The following TMEM74 variants were observed in gnomAD, a reference collection of about 807,000 sequenced individuals.
TMEM74 encodes the protein transmembrane protein 74.
TMEM74 carries 13 observed loss-of-function variants against 18.1 expected under a neutral mutation model. That is an observed-to-expected ratio of 0.72 (90% CI 0.47 to 1.14). TMEM74 has a LOEUF of 1.14. Ranked by LOEUF, TMEM74 falls within the 50% of genes most tolerant of loss-of-function variation. The pLI is 0.00. For missense variants in TMEM74, 372 were observed against 375.9 expected, an observed-to-expected ratio of 0.99 and a Z score of 0.09; for synonymous variants, 159 against 146.6, an observed-to-expected ratio of 1.08 and a Z score of -0.61.
chr8:108,787,281 G>C (rs1316063881), intron 1 of TMEM74, among the ~76,000 whole-genome samples, 195 bp downstream of exon 1: 2 of 152,198 alleles, frequency 1.3e-5, no homozygotes, highest in East Asian at 1.9e-4. Flanking sequence ...GGTGCCCCCA[G>C]CAGGCGCCGA....
At chr8:108,657,904 T>TATATA (rs1563742387) in intron 1 of TMEM74, among the ~76,000 whole-genome samples, 7 of 109,842 alleles carry the variant, frequency 6.4e-5, no homozygotes, top group Admixed American at 1.0e-4. Context: ...ATATATATAT[T>TATATA]AATTACATAT....
rs1813160731 is a variant in TMEM74 at position 108,685,699 on chromosome 8, A to G, written n.120-30262T>C. Among the ~76,000 whole-genome samples, 3 of 152,300 alleles carry G rather than the reference A, an allele frequency of 2.0e-5. No individual in the cohort carries two copies. The South Asian group carries it at 6.2e-4, about 32-fold the overall frequency. On this transcript the variant is annotated intron_variant and non_coding_transcript_variant, in intron 1 of 3. Transcript: ENST00000518838. ...AAAGAAAAATAAGTTAGAAATATAGACCAAGAAACTAACACTTTTACTATT... is the reference window on the plus strand; with the variant it reads ...AAAGAAAAATAAGTTAGAAATATAGGCCAAGAAACTAACACTTTTACTATT...
chr8:108,773,590 A>G (rs548894644), intron 1 of TMEM74, among the ~76,000 whole-genome samples: 1 of 152,200 alleles, frequency 6.6e-6, no homozygotes, highest in East Asian at 1.9e-4. Context: ...GGTGGAAGTG[A>G]CAGTGTTTGA....
chr8:108,716,268 TAA>T (rs1347943439), intron 1 of TMEM74, among the ~76,000 whole-genome samples: 1 of 152,072 alleles, frequency 6.6e-6, no homozygotes, highest in African/African-American at 2.4e-5. Flanking sequence ...TTCCATGATG[TAA>T]AAAGTTACAT....
chr8:108,709,819 C>T (rs192870095), intron 1 of TMEM74, among the ~76,000 whole-genome samples: 1,652 of 152,206 alleles, frequency 0.011, 16 homozygotes, highest in Middle Eastern at 0.027. Flanking sequence ...TTTGGATTGT[C>T]CAAACTCTTC....
intron 1 of TMEM74, among the ~76,000 whole-genome samples, chr8:108,721,477 C>T (rs963644515): frequency 6.6e-5 from 10 of 152,324 alleles, no homozygotes; most frequent in Admixed American, 5.2e-4. Context: ...TTTGCTGTTC[C>T]ATCGATGTGG....
chr8:108,680,186 T>A (rs548194076), intron 1 of TMEM74, among the ~76,000 whole-genome samples: 1 of 152,286 alleles, frequency 6.6e-6, no homozygotes, highest in African/African-American at 2.4e-5. Context: ...ATCATCCTGA[T>A]ACCAAAGCCT....
intron 2 of TMEM74, among the ~76,000 whole-genome samples, chr8:108,631,431 A>G (rs545848430): frequency 6.6e-6 from 1 of 152,158 alleles, no homozygotes; most frequent in South Asian, 2.1e-4. Context: ...TTTTTGAAGC[A>G]TGGTTAGAAT....
At chr8:108,725,082 G>C (rs1391888183) in intron 1 of TMEM74, among the ~76,000 whole-genome samples, 1 of 152,070 alleles carries the variant, frequency 6.6e-6, no homozygotes, top group Non-Finnish European at 1.5e-5. Context: ...ACCATGTTTA[G>C]GCCCACTTCG....
Position 108,721,732 on chromosome 8 carries a change from A to G in TMEM74, n.119+65744T>C, listed in dbSNP as rs577282760. On this transcript the variant is annotated intron_variant and non_coding_transcript_variant, in intron 1 of 3. Transcript: ENST00000518838. ...AAAGACTTTTTATGAAAGCAAATTT[A>G]TCTTGTTCACCGCTGTATCCCAGTA... Among the ~76,000 whole-genome samples the G allele has an allele frequency of 7.9e-5, 12 of 152,354 alleles. 1 individual carries two copies. Among genetic ancestry groups the G allele is most frequent in the Admixed American group, 2.6e-4 (4 of 15,312 alleles).
rs114581614 is a variant in TMEM74 at position 108,702,449 on chromosome 8, G to T, written n.120-47012C>A. Among the ~76,000 whole-genome samples the T allele has an allele frequency of 4.4e-3, 672 of 151,762 alleles. 2 individuals are homozygous for T. The highest frequency in any genetic ancestry group is 0.016 in the African/African-American group (642 of 41,396). ...AAGGAAAAAAAAATGCAGCAGCAAAGGTAGCCAATGGTTCTGGAGAGCTGG... is the reference window on the plus strand; with the variant it reads ...AAGGAAAAAAAAATGCAGCAGCAAATGTAGCCAATGGTTCTGGAGAGCTGG... On this transcript the variant is annotated intron_variant and non_coding_transcript_variant, in intron 1 of 3. Coordinates refer to the TMEM74 transcript ENST00000518838.
At chr8:108,711,511 C>A (rs1813475501) in intron 1 of TMEM74, among the ~76,000 whole-genome samples, 1 of 152,124 alleles carries the variant, frequency 6.6e-6, no homozygotes, top group Non-Finnish European at 1.5e-5. Context: ...TGAGAGCAAG[C>A]ATTGTTTGTG....
At chr8:108,715,221 A>C (rs1189957434) in intron 1 of TMEM74, among the ~76,000 whole-genome samples, 2 of 151,998 alleles carry the variant, frequency 1.3e-5, no homozygotes, top group Admixed American at 1.3e-4. Flanking sequence ...TTTAAGCTAA[A>C]TATCAGGTAC....
intron 2 of TMEM74, among the ~76,000 whole-genome samples, chr8:108,636,526 C>T (rs1245360081): frequency 1.3e-5 from 2 of 152,084 alleles, no homozygotes; most frequent in Non-Finnish European, 2.9e-5. Flanking sequence ...ATTCAACTCT[C>T]CTTGGGAATG....
chr8:108,632,188 G>T (rs2130553582), intron 2 of TMEM74, among the ~76,000 whole-genome samples: 1 of 152,056 alleles, frequency 6.6e-6, no homozygotes, highest in South Asian at 2.1e-4. Flanking sequence ...GATGATACAG[G>T]ACATGTGAAT....
intron 2 of TMEM74, among the ~76,000 whole-genome samples, chr8:108,623,196 G>A (rs990568804): frequency 2.0e-5 from 3 of 152,100 alleles, no homozygotes; most frequent in African/African-American, 7.2e-5. Flanking sequence ...GGCCCTGTGA[G>A]GAGGATATGT....
intron 1 of TMEM74, among the ~76,000 whole-genome samples, chr8:108,764,652 C>T (rs2130665274): frequency 6.6e-6 from 1 of 152,196 alleles, no homozygotes; most frequent in Non-Finnish European, 1.5e-5. Flanking sequence ...TTTCTTTATG[C>T]TGCGGTTGTG....
chr8:108,652,776 T>C, intron 2 of TMEM74: 1 of 530,680 alleles, frequency 1.9e-6, no homozygotes, highest in Non-Finnish European at 3.6e-6. Flanking sequence ...GTGTATCAAT[T>C]TGAGTATGAC....
chr8:108,619,389 C>A (rs1011918423), intron 2 of TMEM74, among the ~76,000 whole-genome samples: 1 of 152,166 alleles, frequency 6.6e-6, no homozygotes, highest in Non-Finnish European at 1.5e-5. Context: ...ATTCCACATG[C>A]AAATGCAGGT....
Sources: gnomAD v4.1 joint callset for allele counts (sites outside exome capture counted in the v4.1 genomes callset) on GRCh38, gnomAD v4.1.1 for gene constraint, MANE v1.5 for transcripts, NCBI Gene and HGNC (gene_info 2026-07-23, HGNC 2026-07-21) for gene names.